Variants in PLEKHH2 observed in about 807,000 individuals in gnomAD.
PLEKHH2 encodes pleckstrin homology domain-containing family H member 2.
A neutral mutation model predicts 187.9 loss-of-function variants in PLEKHH2; 129 were observed. The observed-to-expected ratio is 0.69, with a 90% CI of 0.59 to 0.79. The LOEUF is 0.79. Ranked by LOEUF, PLEKHH2 falls within the 30% of genes least tolerant of loss-of-function variation. The pLI is 0.00. For missense variants in PLEKHH2, 2,076 were observed against 1,751.2 expected (o/e 1.19, Z -3.31); for synonymous variants, 686 against 605.6 (o/e 1.13, Z -1.95).
At position 43,692,716 on chromosome 2, in the gene PLEKHH2, A is replaced by C. The variant is rs981250432; in HGVS notation, c.336+53A>C. 5.9e-6 allele frequency: 9 copies of C among 1,530,876 alleles called. No homozygotes were observed. The Admixed American group carries it at 6.0e-5, about 10-fold the overall frequency. The allele number at this position is 1,530,876 out of a possible 1,614,324, so 94.8% of individuals were successfully genotyped here. ...AAGTGTGTGCACTCATTTGTGCATAATCACAAAGATTAAAAAGAGAGAGCC... is the reference window on the plus strand; with the variant it reads ...AAGTGTGTGCACTCATTTGTGCATACTCACAAAGATTAAAAAGAGAGAGCC... On this transcript the variant is annotated intron_variant, in intron 4 of 29. Coordinates refer to ENST00000282406, the MANE Select transcript of PLEKHH2 (RefSeq NM_172069.4).
At chr2:43,641,817 C>T (rs545798374) in intron 1 of PLEKHH2, among the ~76,000 whole-genome samples, 1 of 152,290 alleles carries the variant, frequency 6.6e-6, no homozygotes, top group South Asian at 2.1e-4. Flanking sequence ...TAATTCTGGA[C>T]TTAACTTTAT....
intron 3 of PLEKHH2, among the ~76,000 whole-genome samples, chr2:43,686,124 T>C (rs1668490474): frequency 6.6e-6 from 1 of 152,040 alleles, no homozygotes; most frequent in Admixed American, 6.6e-5. Flanking sequence ...CTTCCTCTTC[T>C]TCTTCCTTCT....
intron 2 of PLEKHH2, among the ~76,000 whole-genome samples, chr2:43,650,017 A>G (rs11124945): frequency 0.21 from 32,141 of 152,168 alleles, 3,661 homozygotes; most frequent in Middle Eastern, 0.31. Context: ...CTTCTGTAGC[A>G]GTAAATTAAG....
At chr2:43,693,397 T>C (rs778175623) in intron 4 of PLEKHH2, among the ~76,000 whole-genome samples, 3 of 152,186 alleles carry the variant, frequency 2.0e-5, no homozygotes, top group Non-Finnish European at 4.4e-5. Context: ...TGCTTAGAAA[T>C]GTGTACACCA....
chr2:43,676,701 C>T (rs940390163), intron 2 of PLEKHH2, among the ~76,000 whole-genome samples: 5 of 152,126 alleles, frequency 3.3e-5, no homozygotes, highest in African/African-American at 9.7e-5. Context: ...TACAACACAT[C>T]CCGTATGTTG....
At chr2:43,679,346 G>A (rs1668039587) in intron 3 of PLEKHH2, among the ~76,000 whole-genome samples, 1 of 151,756 alleles carries the variant, frequency 6.6e-6, no homozygotes, top group South Asian at 2.1e-4. Context: ...TTGTTTCTAA[G>A]GATTTGCATT....
At chr2:43,736,360 T>C (rs1490518310) in intron 19 of PLEKHH2, among the ~76,000 whole-genome samples, 1 of 152,166 alleles carries the variant, frequency 6.6e-6, no homozygotes, top group Non-Finnish European at 1.5e-5. Context: ...ATGTTGAATG[T>C]AGGCAGTGTA....
Position 43,700,033 on chromosome 2 carries a change from C to G in PLEKHH2, c.1075C>G (p.Gln359Glu). The change falls in exon 8 of 30, where the codon CAG becomes GAG. Residue 359 changes from glutamine to glutamate, a missense_variant. By Grantham distance (29) the Gln-to-Glu change is conservative (BLOSUM62 2). Transcript: ENST00000282406. ...KKLYSWQQEA[Q>E]WKALNSPLGK... ...GCTATATTCTTGGCAGCAGGAGGCACAGTGGAAAGCTCTAAATAGTCCTCT... is the reference window on the plus strand; with the variant it reads ...GCTATATTCTTGGCAGCAGGAGGCAGAGTGGAAAGCTCTAAATAGTCCTCT... 2.5e-6 allele frequency: 4 copies of G among 1,614,146 alleles called. No individual in the cohort carries two copies. The highest frequency in any genetic ancestry group is 3.4e-6 in the Non-Finnish European group (4 of 1,180,032).
chr2:43,667,882 TG>T (rs1328088256), intron 2 of PLEKHH2, among the ~76,000 whole-genome samples: 2 of 152,052 alleles, frequency 1.3e-5, no homozygotes, highest in African/African-American at 4.8e-5. Context: ...TCCACAACTC[TG>T]TGAATATAGT....
chr2:43,708,426 A>T (rs143367762), intron 11 of PLEKHH2, among the ~76,000 whole-genome samples: 181 of 152,300 alleles, frequency 1.2e-3, no homozygotes, highest in Middle Eastern at 6.8e-3. Flanking sequence ...TGTTTCCTCC[A>T]GCTGGTATTC....
intron 7 of PLEKHH2, 75 bp downstream of exon 7, chr2:43,697,431 A>G: frequency 4.1e-6 from 5 of 1,223,802 alleles, no homozygotes; most frequent in East Asian, 2.5e-5. Flanking sequence ...TAATCCAAAT[A>G]TAGCTTAATT....
At chr2:43,650,102 C>G (rs1483443685) in intron 2 of PLEKHH2, among the ~76,000 whole-genome samples, 1 of 149,876 alleles carries the variant, frequency 6.7e-6, no homozygotes, top group Non-Finnish European at 1.5e-5. Context: ...TGTCTAAAGC[C>G]TGATATGGGA....
intron 15 of PLEKHH2, among the ~76,000 whole-genome samples, chr2:43,712,979 G>A (rs1670040543): frequency 6.6e-6 from 1 of 151,830 alleles, no homozygotes; most frequent in Non-Finnish European, 1.5e-5. Flanking sequence ...AATTACATAG[G>A]CAGTAGAAAA....
chr2:43,731,443 A>G (rs749074946), intron 18 of PLEKHH2, 47 bp from the exon 19 acceptor site: 26 of 1,255,704 alleles, frequency 2.1e-5, no homozygotes, highest in Non-Finnish European at 2.5e-5. Context: ...AGAGGCCACA[A>G]TAAGTGGTTT....
chr2:43,693,455 A>G (rs939154394), intron 4 of PLEKHH2, among the ~76,000 whole-genome samples: 11 of 152,192 alleles, frequency 7.2e-5, no homozygotes, highest in East Asian at 1.9e-4. Flanking sequence ...TAAAAAATGT[A>G]TTAGTCACAC....
chr2:43,706,238 T>G, intron 9 of PLEKHH2, 84 bp from the exon 10 acceptor site: 3 of 921,022 alleles, frequency 3.3e-6, no homozygotes, highest in Non-Finnish European at 5.3e-6. Context: ...AAATGGAGAT[T>G]ATGCTCATTT....
intron 2 of PLEKHH2, among the ~76,000 whole-genome samples, chr2:43,676,715 A>C (rs1667817648): frequency 6.6e-6 from 1 of 152,210 alleles, no homozygotes. Flanking sequence ...TATGTTGATT[A>C]GCATGGGGTC....
intron 16 of PLEKHH2, among the ~76,000 whole-genome samples, chr2:43,725,459 G>A (rs969218295): frequency 6.6e-6 from 1 of 152,322 alleles, no homozygotes; most frequent in South Asian, 2.1e-4. Context: ...TGTCTTATCT[G>A]TGTTTCACTG....
At chr2:43,764,110 T>C (rs967192282) in intron 28 of PLEKHH2, 118 bp from the exon 29 acceptor site, 1 of 566,164 alleles carries the variant, frequency 1.8e-6, no homozygotes, top group Non-Finnish European at 2.7e-6. Flanking sequence ...AAAATAATTT[T>C]GTATTATACC....
Sources: allele counts gnomAD v4.1 joint callset (sites outside exome capture counted in the v4.1 genomes callset), GRCh38; gene constraint gnomAD v4.1.1; transcripts MANE v1.5; gene names NCBI Gene and HGNC (gene_info 2026-07-23, HGNC 2026-07-21).